Variants in HYLS1 observed in about 807,000 individuals in gnomAD.
HYLS1 encodes centriolar and ciliogenesis-associated protein HYLS1.
HYLS1 carries 25 observed loss-of-function variants against 29.4 expected under a neutral mutation model. The ratio of observed to expected loss-of-function variants is 0.85; its 90% CI spans 0.62 to 1.19. The LOEUF (loss-of-function observed/expected upper bound fraction) is 1.19, where lower values mean the gene tolerates loss of function less well. HYLS1 is among the 50% of genes most tolerant of loss of function. HYLS1 has a pLI of 0.00. For synonymous variants in HYLS1, 128 were observed against 126.7 expected (o/e 1.01, Z -0.07); for missense variants, 352 against 365.1 (o/e 0.96, Z 0.29).
intron 2 of HYLS1, among the ~76,000 whole-genome samples, chr11:125,892,727 A>G (rs1423387331): frequency 6.6e-6 from 1 of 152,130 alleles, no homozygotes; most frequent in African/African-American, 2.4e-5. Context: ...GCAGCCCCCT[A>G]ATTGGTCACA....
chr11:125,894,776 T>G (rs944080043), intron 2 of HYLS1, among the ~76,000 whole-genome samples: 1 of 152,204 alleles, frequency 6.6e-6, no homozygotes, highest in African/African-American at 2.4e-5. Flanking sequence ...TATGAATAGT[T>G]TGTTCATTTT....
Position 125,899,655 on chromosome 11 carries a change from G to C in HYLS1, c.287G>C (p.Arg96Thr). ...AGACTCCGAAAGCCAGTGATGAAGA[G>C]AAAGGTGCTGCGCAGAAAGCCAGAT... is the stretch of plus-strand genomic sequence containing the variant. ...SQRLRKPVMKRKVLRRKPDGE... is the reference protein window; with the variant it reads ...SQRLRKPVMKTKVLRRKPDGE... Residue 96 changes from arginine to threonine, a missense_variant, in exon 3 of 3, where the codon AGA (arginine) becomes ACA (threonine). By Grantham distance (71) the Arg-to-Thr change is moderately conservative. Transcript: ENST00000425380. 1 of 1,614,242 alleles carries C rather than the reference G, an allele frequency of 6.2e-7. No homozygotes were observed. The highest frequency in any genetic ancestry group is 1.1e-5 in the South Asian group (1 of 91,084).
At chr11:125,897,400 AC>A (rs1329198447) in intron 2 of HYLS1, among the ~76,000 whole-genome samples, 2 of 152,084 alleles carry the variant, frequency 1.3e-5, no homozygotes, top group East Asian at 3.9e-4. Context: ...AAAAGGAAAA[AC>A]TTCTGCCAGC....
chr11:125,900,347 T>C lies in HYLS1; in HGVS notation c.*79T>C. Reference sequence around the variant, plus strand: ...CTTCCCTTTTAAATAGAAACAACTGTCTTGAGAAGCTCTTCGAAACATTTT... The same window carrying C: ...CTTCCCTTTTAAATAGAAACAACTGCCTTGAGAAGCTCTTCGAAACATTTT... On this transcript the variant is annotated 3_prime_UTR_variant, in exon 3 of 3. Transcript: ENST00000425380. 7.2e-7 allele frequency: 1 copy of C among 1,395,610 alleles called. No homozygotes were observed. Among genetic ancestry groups the C allele is most frequent in the Non-Finnish European group, 1.0e-6 (1 of 988,326 alleles). 86.5% of individuals were successfully genotyped at this position (1,395,610 alleles called of 1,614,324 possible).
intron 1 of HYLS1, chr11:125,887,967 A>C (rs1430412748): frequency 6.7e-6 from 1 of 149,962 alleles, no homozygotes; most frequent in South Asian, 2.1e-4. Context: ...CGTGAGCTAC[A>C]GGCGATGTGC....
upstream of HYLS1, chr11:125,883,777 G>A (rs1221675477): frequency 2.6e-5 from 4 of 152,310 alleles, no homozygotes; most frequent in African/African-American, 7.2e-5. Context: ...AGGAGGCTGA[G>A]GCAGGAGAGT....
chr11:125,886,838 G>C (rs1000429676), upstream of HYLS1, among the ~76,000 whole-genome samples: 2 of 148,800 alleles, frequency 1.3e-5, no homozygotes, highest in Admixed American at 1.4e-4. Context: ...TTGAACCTGG[G>C]AGGCAGAGGT....
At chr11:125,898,527 T>C (rs1944660477) in intron 2 of HYLS1, among the ~76,000 whole-genome samples, 2 of 152,018 alleles carry the variant, frequency 1.3e-5, no homozygotes, top group African/African-American at 2.4e-5. Context: ...ATTCAAAAAT[T>C]AGCCAGGCGT....
chr11:125,890,312 C>A (rs1489992548), intron 1 of HYLS1, among the ~76,000 whole-genome samples: 2 of 152,154 alleles, frequency 1.3e-5, no homozygotes, highest in African/African-American at 4.8e-5. Context: ...ATAATGTGTA[C>A]CCTTTAATAG....
At chr11:125,896,325 C>A (rs752289202) in intron 2 of HYLS1, 1 of 1,532,374 alleles carries the variant, frequency 6.5e-7, no homozygotes, top group Admixed American at 1.9e-5. Context: ...TACAGGTCTG[C>A]CCTGTCTGAA....
At chr11:125,897,620 T>C (rs1197386824) in intron 2 of HYLS1, among the ~76,000 whole-genome samples, 1 of 151,904 alleles carries the variant, frequency 6.6e-6, no homozygotes, top group Admixed American at 6.6e-5. Flanking sequence ...TTAAAAAAAA[T>C]TTTAAATGCT....
chr11:125,893,796 T>G, intron 2 of HYLS1: 1 of 1,609,306 alleles, frequency 6.2e-7, no homozygotes, highest in Non-Finnish European at 8.5e-7. Flanking sequence ...TAAATGATGC[T>G]TTTAATTTCT....
Position 125,899,840 on chromosome 11 carries a change from C to T in HYLS1, c.472C>T (p.His158Tyr), listed in dbSNP as rs1397278184. 2.5e-6 allele frequency: 4 copies of T among 1,614,076 alleles called. No homozygotes were observed. The highest frequency in any genetic ancestry group is 4.5e-5 in the East Asian group (2 of 44,902). ...FDVSQKFNLP[H>Y]EYQGISQDQL... Reference sequence around the variant, plus strand: ...TGTTTCACAAAAATTTAACCTACCACATGAATACCAAGGAATTTCTCAAGA... The same window carrying T: ...TGTTTCACAAAAATTTAACCTACCATATGAATACCAAGGAATTTCTCAAGA... The change falls in exon 3 of 3, where the codon CAT becomes TAT. Residue 158 changes from histidine to tyrosine, a missense_variant. By Grantham distance (83) the His-to-Tyr change is moderately conservative. Coordinates refer to ENST00000425380, the MANE Select transcript of HYLS1 (RefSeq NM_001134793.2).
Position 125,899,717 on chromosome 11 carries a change from G to A in HYLS1, c.349G>A (p.Glu117Lys). 1 of 1,614,174 alleles carries A rather than the reference G, an allele frequency of 6.2e-7. No individual in the cohort carries two copies. ...AGTAACAGATGAGTCGATTATCAGTGAATCAGAATCTGGTACAGAAAATGA... is the reference window on the plus strand; with the variant it reads ...AGTAACAGATGAGTCGATTATCAGTAAATCAGAATCTGGTACAGAAAATGA... Reference protein sequence around the residue: ...VLVTDESIISESESGTENDQD... With the variant: ...VLVTDESIISKSESGTENDQD... Residue 117 changes from glutamate to lysine, a missense_variant, in exon 3 of 3, where the codon GAA (glutamate) becomes AAA (lysine). Physicochemically the swap from Glu to Lys is moderately conservative, Grantham distance 56. Transcript: ENST00000425380.
chr11:125,891,144 A>C (rs1281305548), intron 1 of HYLS1, among the ~76,000 whole-genome samples: 2 of 152,212 alleles, frequency 1.3e-5, no homozygotes, highest in Non-Finnish European at 2.9e-5. Flanking sequence ...ACTTTTGCAA[A>C]GTTGCATTTG....
intron 2 of HYLS1, among the ~76,000 whole-genome samples, chr11:125,897,335 G>T (rs1944618452): frequency 1.3e-5 from 2 of 151,980 alleles, no homozygotes; most frequent in South Asian, 4.2e-4. Flanking sequence ...GAGTAGGAAA[G>T]GCATTTCTAA....
chr11:125,885,632 C>T (rs1422558120), upstream of HYLS1, among the ~76,000 whole-genome samples: 4 of 152,220 alleles, frequency 2.6e-5, no homozygotes, highest in African/African-American at 9.6e-5. Flanking sequence ...ATTAAATTTG[C>T]TCCTATGGAA....
At chr11:125,887,899 G>A (rs540895582) in intron 1 of HYLS1, 134 bp downstream of exon 1, 20 of 150,118 alleles carry the variant, frequency 1.3e-4, no homozygotes, top group African/African-American at 4.5e-4. Context: ...TGGATTCCAG[G>A]TCCTGCCTGG....
At chr11:125,885,265 A>G (rs1383724589), upstream of HYLS1, among the ~76,000 whole-genome samples, 1 of 152,160 alleles carries the variant, frequency 6.6e-6, no homozygotes, top group African/African-American at 2.4e-5. Flanking sequence ...AGCCTGGCCA[A>G]TATGATGAAA....
Sources: gnomAD v4.1 joint callset for allele counts (sites outside exome capture counted in the v4.1 genomes callset) on GRCh38, gnomAD v4.1.1 for gene constraint, MANE v1.5 for transcripts, NCBI Gene and HGNC (gene_info 2026-07-23, HGNC 2026-07-21) for gene names.